The following ABCF3 variants were observed in gnomAD, a reference collection of about 807,000 sequenced individuals.
ABCF3 encodes ATP-binding cassette sub-family F member 3.
Under a neutral mutation model 94.3 loss-of-function variants are expected in ABCF3, and 62 were observed. The ratio of observed to expected loss-of-function variants is 0.66; its 90% CI spans 0.54 to 0.81. ABCF3 has a LOEUF of 0.81. Among genes scored for constraint, ABCF3 ranks in the 40% least tolerant of loss-of-function variants. The pLI is 0.00. For synonymous variants in ABCF3, 355 were observed against 361.1 expected (o/e 0.98, Z 0.19); for missense variants, 843 against 925.3 (o/e 0.91, Z 1.15).
In ABCF3 at chr3:184,189,319, G is replaced by A. The variant is rs191513871; in HGVS notation, c.1057+42G>A. On this transcript the variant is annotated intron_variant, in intron 11 of 20. Coordinates refer to ENST00000429586, the MANE Select transcript of ABCF3 (RefSeq NM_018358.3). ...GCACCCTGACTTTAGGATGGGCAGG[G>A]GTGGTAGCATCCAAGTTCCTAGTTC... The A allele has an allele frequency of 2.8e-3, 4,518 of 1,614,166 alleles. 12 individuals carry two copies. The highest frequency in any genetic ancestry group is 3.0e-3 in the Non-Finnish European group (3,594 of 1,180,034).
chr3:184,192,642 G>A lies in ABCF3; in HGVS notation c.1611G>A (p.Leu537=), dbSNP rs1349311443. Reference sequence around the variant, plus strand: ...CTGGGAAGTCTACCATGCTGAAGCTGCTTTTGGGGGACCTGGCACCTGTTC... The same window carrying A: ...CTGGGAAGTCTACCATGCTGAAGCTACTTTTGGGGGACCTGGCACCTGTTC... ...NGAGKSTMLK[L]LLGDLAPVRG... The change falls in exon 17 of 21, where the codon CTG becomes CTA. Residue 537 remains leucine, a synonymous_variant. Transcript: ENST00000429586. The A allele has an allele frequency of 1.2e-6, 2 of 1,610,598 alleles. No homozygotes were observed. Among genetic ancestry groups the A allele is most frequent in the Non-Finnish European group, 1.7e-6 (2 of 1,179,296 alleles).
Position 184,187,770 on chromosome 3 carries a change from G to C in ABCF3, c.446+9G>C. The stretch of plus-strand genomic sequence containing the variant: ...AAGACCAGCAACCCTCTGTGAGTGG[G>C]GGAAGCATGGCTCAGAAGAGAGCAG... On this transcript the variant is annotated intron_variant, in intron 5 of 20. Coordinates refer to ENST00000429586, the MANE Select transcript of ABCF3 (RefSeq NM_018358.3). 6.2e-7 allele frequency: 1 copy of C among 1,614,158 alleles called. No individual in the cohort carries two copies. The highest frequency in any genetic ancestry group is 8.5e-7 in the Non-Finnish European group (1 of 1,180,034).
chr3:184,191,233 A>G lies in ABCF3; in HGVS notation c.1547A>G (p.Asp516Gly). 1.9e-6 allele frequency: 3 copies of G among 1,614,094 alleles called. No individual in the cohort carries two copies. Among genetic ancestry groups the G allele is most frequent in the Non-Finnish European group, 2.5e-6 (3 of 1,180,014 alleles). Residue 516 changes from aspartate to glycine, a missense_variant, in exon 16 of 21, where the codon GAT (aspartate) becomes GGT (glycine). Physicochemically the swap from Asp to Gly is moderately conservative, Grantham distance 94. Coordinates refer to ENST00000429586, the MANE Select transcript of ABCF3 (RefSeq NM_018358.3). ...VIFSRLSVSA[D>G]LESRICVVGE... is the part of the protein sequence containing the mutation. ...TTCAGTCGCCTCTCTGTGTCTGCTG[A>G]TCTCGAGTCTCGCATCTGTGTGGTA...
At position 184,193,567 on chromosome 3, in the gene ABCF3, G is replaced by T; in HGVS notation, c.1999G>T (p.Glu667Ter). The T allele has an allele frequency of 1.2e-6, 2 of 1,614,170 alleles. No homozygotes were observed. The highest frequency in any genetic ancestry group is 4.5e-5 in the East Asian group (2 of 44,890). Residue 667 changes from glutamate (E) to a stop codon, truncating the protein, a stop_gained, in exon 21 of 21, where the codon GAG becomes TAG. Coordinates refer to ENST00000429586, the MANE Select transcript of ABCF3 (RefSeq NM_018358.3). LOFTEE classifies it high-confidence loss of function. The surrounding 1 kb of genome is among the most constrained non-coding windows in gnomAD (Gnocchi z 5.2). ...RGGVILVSHD[E>*]RFIRLVCREL... is the part of the protein sequence containing the mutation. Reference sequence around the variant, plus strand: ...TGGTGTGATTCTGGTGTCCCACGATGAGCGCTTTATCAGGCTGGTGTGCCG... The same window carrying T: ...TGGTGTGATTCTGGTGTCCCACGATTAGCGCTTTATCAGGCTGGTGTGCCG...
chr3:184,191,221 C>G lies in ABCF3; in HGVS notation c.1535C>G (p.Ser512Cys), dbSNP rs754930838. The G allele has an allele frequency of 1.2e-6, 2 of 1,614,232 alleles. No homozygotes were observed. The highest frequency in any genetic ancestry group is 3.3e-5 in the Admixed American group (2 of 60,034). Residue 512 changes from serine (S) to cysteine (C), a missense_variant, in exon 16 of 21, where the codon TCT becomes TGT. Transcript: ENST00000429586. The stretch of plus-strand genomic sequence containing the variant: ...AAGCACGTCATCTTCAGTCGCCTCT[C>G]TGTGTCTGCTGATCTCGAGTCTCGC... The part of the protein sequence containing the change: ...DPKHVIFSRL[S>C]VSADLESRIC...
In ABCF3 at chr3:184,187,666, A is replaced by G; in HGVS notation, c.351A>G (p.Thr117=). ...AGTCGATGTGTTTGGACCCTTAGAC[A>G]GTGAATGCAAAGAAGTTAGAGAAGG... ...PGLLKREQSS[T]VNAKKLEKAE... The change falls in exon 5 of 21, where the codon ACA becomes ACG. Residue 117 remains threonine (T), a splice_region_variant and synonymous_variant. Transcript: ENST00000429586. The G allele has an allele frequency of 6.2e-7, 1 of 1,614,190 alleles. No homozygotes were observed. Among genetic ancestry groups the G allele is most frequent in the Non-Finnish European group, 8.5e-7 (1 of 1,180,034 alleles).
rs913356335 is a variant in ABCF3 at position 184,190,985 on chromosome 3, A to G, written c.1392-14A>G. On this transcript the variant is annotated splice_polypyrimidine_tract_variant and intron_variant, in intron 14 of 20. Coordinates refer to ENST00000429586, the MANE Select transcript of ABCF3 (RefSeq NM_018358.3). ...TTAAGTAATAAATCTAGTCTACCTC[A>G]TCTCTTCTCCCAGGCCTGAGCTGAA... 6.2e-7 allele frequency: 1 copy of G among 1,613,966 alleles called. No individual in the cohort carries two copies. The highest frequency in any genetic ancestry group is 8.5e-7 in the Non-Finnish European group (1 of 1,179,964).
chr3:184,188,359 ATTTGC>A lies in ABCF3; in HGVS notation c.790_794del (p.Leu264ThrfsTer19). 1 of 1,613,548 alleles carries A rather than the reference ATTTGC, an allele frequency of 6.2e-7. No homozygotes were observed. Among genetic ancestry groups the A allele is most frequent in the Non-Finnish European group, 8.5e-7 (1 of 1,179,888 alleles). ...CTGGAGAGTGACAGTGTGCGAGAGG[ATTTGC>A]TACGGAGGGAGCGGGAGCTCACTGC... is the stretch of plus-strand genomic sequence containing the variant. On this transcript the variant is annotated frameshift_variant, in exon 7 of 21. Coordinates refer to ENST00000429586, the MANE Select transcript of ABCF3 (RefSeq NM_018358.3). LOFTEE classifies it high-confidence loss of function.
At chr3:184,187,546 T>G (rs1715717292) in intron 4 of ABCF3, 103 bp downstream of exon 4, 1 of 1,535,026 alleles carries the variant, frequency 6.5e-7, no homozygotes, top group East Asian at 2.2e-5. Flanking sequence ...TGTCTTTTCC[T>G]GAGCCTTTGA....
rs142624613 is a variant in ABCF3 at position 184,193,683 on chromosome 3, C to T, written c.2115C>T (p.Arg705=). The T allele has an allele frequency of 2.6e-5, 42 of 1,611,540 alleles. No homozygotes were observed. The highest frequency in any genetic ancestry group is 3.3e-5 in the Non-Finnish European group (39 of 1,178,558). ...YRALLQEQFR[R]EGFL ...CCCTCCTCCAGGAACAGTTCCGCCG[C>T]GAAGGCTTCCTCTAGGGCCACCAGG... The change falls in exon 21 of 21, where the codon CGC becomes CGT. Residue 705 remains arginine, a synonymous_variant. Transcript: ENST00000429586. The surrounding 1 kb of genome is among the most constrained non-coding windows in gnomAD (Gnocchi z 5.2).
intron 14 of ABCF3, chr3:184,190,219 T>G: frequency 2.1e-6 from 1 of 479,500 alleles, no homozygotes; most frequent in Non-Finnish European, 3.8e-6. Context: ...CCTGGTGTCT[T>G]TTACCTGGCG....
Position 184,191,170 on chromosome 3 carries a change from A to G in ABCF3, c.1484A>G (p.Asp495Gly), listed in dbSNP as rs777887587. The change falls in exon 16 of 21, where the codon GAT (aspartate) becomes GGT (glycine). Residue 495 changes from aspartate to glycine, a missense_variant. Physicochemically the swap from Asp to Gly is moderately conservative, Grantham distance 94 (BLOSUM62 -1). Transcript: ENST00000429586. Reference protein sequence around the residue: ...EKFSPPILQLDEVDFYYDPKH... With the variant: ...EKFSPPILQLGEVDFYYDPKH... ...TTCTCGCCGCCAATTCTGCAGCTAG[A>G]TGAGGTGGATTTCTACTACGATCCG... 4.3e-6 allele frequency: 7 copies of G among 1,614,058 alleles called. No homozygotes were observed. The South Asian group carries it at 4.4e-5, about 10-fold the overall frequency.
chr3:184,193,043 G>C lies in ABCF3; in HGVS notation c.1751-59G>C. 9 of 1,543,504 alleles carry C rather than the reference G, an allele frequency of 5.8e-6. No homozygotes were observed. The highest frequency in any genetic ancestry group is 7.0e-6 in the Non-Finnish European group (8 of 1,143,720). ...ACATGGGGACTTGGAGGTGTGGCTG[G>C]AGGGCACAGGGAGGGTGTTGGGCCA... On this transcript the variant is annotated intron_variant, in intron 18 of 20. Transcript: ENST00000429586. The surrounding 1 kb of genome is among the most constrained non-coding windows in gnomAD (Gnocchi z 5.2).
At position 184,193,385 on chromosome 3, in the gene ABCF3, A is replaced by G; in HGVS notation, c.1904A>G (p.Asp635Gly). 1 of 1,614,054 alleles carries G rather than the reference A, an allele frequency of 6.2e-7. No homozygotes were observed. The highest frequency in any genetic ancestry group is 8.5e-7 in the Non-Finnish European group (1 of 1,179,998). The part of the protein sequence containing the change: ...TMPCPNFYIL[D>G]EPTNHLDMET... ...TCCAGCCCCAACTTCTACATTCTGGATGAACCCACAAACCACCTGGACATG... is the reference window on the plus strand; with the variant it reads ...TCCAGCCCCAACTTCTACATTCTGGGTGAACCCACAAACCACCTGGACATG... Residue 635 changes from aspartate (D) to glycine (G), a missense_variant, in exon 20 of 21, where the codon GAT becomes GGT. By Grantham distance (94) the Asp-to-Gly change is moderately conservative. Coordinates refer to ENST00000429586, the MANE Select transcript of ABCF3 (RefSeq NM_018358.3). The surrounding 1 kb of genome is among the most constrained non-coding windows in gnomAD (Gnocchi z 5.2).
rs746285122 is a variant in ABCF3 at position 184,187,383 on chromosome 3, C to G, written c.302-14C>G. 13 of 1,613,726 alleles carry G rather than the reference C, an allele frequency of 8.1e-6. No homozygotes were observed. The East Asian group carries it at 2.7e-4, about 33-fold the overall frequency. On this transcript the variant is annotated splice_polypyrimidine_tract_variant and intron_variant, in intron 3 of 20. Coordinates refer to ENST00000429586, the MANE Select transcript of ABCF3 (RefSeq NM_018358.3). ...CCTCAGGGAGAAGGTGACTGCTTTT[C>G]TTATCGCTTACAGACTGTGGAACCA...
intron 3 of ABCF3, chr3:184,187,137 C>T (rs1715683108): frequency 1.6e-6 from 1 of 630,572 alleles, no homozygotes; most frequent in African/African-American, 1.8e-5. Context: ...AGTTTTGCAA[C>T]TTGCTAACCA....
chr3:184,187,064 C>T (rs747167881), intron 3 of ABCF3, 189 bp downstream of exon 3: 34 of 660,252 alleles, frequency 5.1e-5, no homozygotes, highest in Middle Eastern at 4.1e-4. Context: ...GTTCTCCCTC[C>T]AAGCTCTTGG....
chr3:184,189,789 C>T (rs1452571952), intron 13 of ABCF3, 32 bp downstream of exon 13: 1 of 1,613,844 alleles, frequency 6.2e-7, no homozygotes, highest in Non-Finnish European at 8.5e-7. Flanking sequence ...GGGGTCCCAT[C>T]CCAGGGGTTC....
In ABCF3 at chr3:184,186,238, G is replaced by C; in HGVS notation, c.31G>C (p.Glu11Gln). The change falls in exon 1 of 21, where the codon GAG (glutamate) becomes CAG (glutamine). Residue 11 changes from glutamate (E) to glutamine (Q), a missense_variant. Physicochemically the swap from Glu to Gln is conservative, Grantham distance 29. Transcript: ENST00000429586. Reference sequence around the variant, plus strand: ...GACTTGCGCCGAAATCCTGCGGAGCGAGTTCCCCGAAATTGACGGACAAGT... The same window carrying C: ...GACTTGCGCCGAAATCCTGCGGAGCCAGTTCCCCGAAATTGACGGACAAGT... MATCAEILRSEFPEIDGQVFD... is the reference protein window; with the variant it reads MATCAEILRSQFPEIDGQVFD... 1 of 1,614,224 alleles carries C rather than the reference G, an allele frequency of 6.2e-7. No homozygotes were observed. Among genetic ancestry groups the C allele is most frequent in the Non-Finnish European group, 8.5e-7 (1 of 1,180,046 alleles).
Sources: gnomAD v4.1 joint callset for allele counts on GRCh38, gnomAD v4.1.1 for gene constraint, Gnocchi (gnomAD v3.1) non-coding constraint, MANE v1.5 for transcripts, NCBI Gene and HGNC (gene_info 2026-07-23, HGNC 2026-07-21) for gene names.